Variants in SPEN observed in about 807,000 individuals in gnomAD.
SPEN encodes the protein msx2-interacting protein.
In SPEN, 18 loss-of-function variants were observed where a neutral mutation model predicts 269.9. That is an observed-to-expected ratio of 0.07 (90% CI 0.05 to 0.10). The LOEUF is 0.10. Among genes scored for constraint, SPEN ranks in the 10% least tolerant of loss-of-function variants. The pLI is 1.00. For synonymous variants in SPEN, 1,726 were observed against 1,765.7 expected, an observed-to-expected ratio of 0.98 and a Z score of 0.56; for missense variants, 3,822 against 4,631.2, an observed-to-expected ratio of 0.83 and a Z score of 5.07.
In SPEN at chr1:15,933,120, G is replaced by A. The variant is rs114705566; in HGVS notation, c.6880G>A (p.Gly2294Ser). Residue 2294 changes from glycine (G) to serine (S), a missense_variant, in exon 11 of 15, where the codon GGC (glycine) becomes AGC (serine). Physicochemically the swap from Gly to Ser is moderately conservative, Grantham distance 56. Transcript: ENST00000375759. The surrounding 1 kb of genome is among the most constrained non-coding windows in gnomAD (Gnocchi z 5.7). ...AGTCAATGCTCCTGACCCCTCAGCCGGCCCAACAGATACCAAGGAAGCCAG... is the reference window on the plus strand; with the variant it reads ...AGTCAATGCTCCTGACCCCTCAGCCAGCCCAACAGATACCAAGGAAGCCAG... ...PPVNAPDPSA[G>S]PTDTKEARGN... The A allele has an allele frequency of 3.1e-5, 50 of 1,614,018 alleles. No individual in the cohort carries two copies. The highest frequency in any genetic ancestry group is 1.1e-4 in the East Asian group (5 of 44,900).
chr1:15,860,625 A>G (rs2070438844), intron 1 of SPEN, among the ~76,000 whole-genome samples: 1 of 149,372 alleles, frequency 6.7e-6, no homozygotes, highest in Non-Finnish European at 1.5e-5. Context: ...TTTTTTTGAG[A>G]TGGAGTCTTG....
chr1:15,933,645 A>C lies in SPEN; in HGVS notation c.7405A>C (p.Ile2469Leu). The C allele has an allele frequency of 6.2e-7, 1 of 1,614,056 alleles. No individual in the cohort carries two copies. The highest frequency in any genetic ancestry group is 8.5e-7 in the Non-Finnish European group (1 of 1,179,982). ...CCCACCCAGCGATCCAAGCATCCCC[A>C]TACCCACACTGCCTTCTGTAACTGC... ...VTPPSDPSIP[I>L]PTLPSVTAAK... The change falls in exon 11 of 15, where the codon ATA becomes CTA. Residue 2469 changes from isoleucine (I) to leucine (L), a missense_variant. Ile to Leu is a conservative substitution (Grantham distance 5). Transcript: ENST00000375759. The surrounding 1 kb of genome is among the most constrained non-coding windows in gnomAD (Gnocchi z 5.7).
chr1:15,932,414 C>G lies in SPEN; in HGVS notation c.6174C>G (p.Ala2058=), dbSNP rs942663481. Residue 2058 remains alanine, a synonymous_variant, in exon 11 of 15, where the codon GCC becomes GCG. Coordinates refer to ENST00000375759, the MANE Select transcript of SPEN (RefSeq NM_015001.3). The surrounding 1 kb of genome is among the most constrained non-coding windows in gnomAD (Gnocchi z 4.2). ...AGTDKNPPET[A]PVEVVEKKPA... ...CAGACAAAAACCCCCCTGAAACCGCCCCTGTTGAAGTTGTAGAGAAAAAAC... is the reference window on the plus strand; with the variant it reads ...CAGACAAAAACCCCCCTGAAACCGCGCCTGTTGAAGTTGTAGAGAAAAAAC... The G allele has an allele frequency of 6.2e-7, 1 of 1,614,030 alleles. No homozygotes were observed. Among genetic ancestry groups the G allele is most frequent in the Non-Finnish European group, 8.5e-7 (1 of 1,180,008 alleles).
chr1:15,906,514 A>G (rs1465032436), intron 3 of SPEN, among the ~76,000 whole-genome samples: 2 of 124,096 alleles, frequency 1.6e-5, no homozygotes, highest in Non-Finnish European at 3.1e-5. Context: ...GCTGGAGTGC[A>G]GTGGTGTGAT....
At chr1:15,903,933 C>T (rs1220685724) in intron 3 of SPEN, among the ~76,000 whole-genome samples, 2 of 152,146 alleles carry the variant, frequency 1.3e-5, no homozygotes, top group East Asian at 3.8e-4. Context: ...TTCTGATGAA[C>T]TATTTTTGGC....
chr1:15,931,730 A>G lies in SPEN; in HGVS notation c.5490A>G (p.Ala1830=), dbSNP rs1363721146. ...KSKRSKTPVQ[A]AAVSIVEKPV... ...AGCGTTCAAAGACCCCTGTTCAGGC[A>G]GCTGCAGTGAGTATCGTGGAGAAGC... is the stretch of plus-strand genomic sequence containing the variant. The change falls in exon 11 of 15, where the codon GCA becomes GCG. Residue 1830 remains alanine, a synonymous_variant. Coordinates refer to ENST00000375759, the MANE Select transcript of SPEN (RefSeq NM_015001.3). The surrounding 1 kb of genome is among the most constrained non-coding windows in gnomAD (Gnocchi z 4.8). 6.2e-7 allele frequency: 1 copy of G among 1,614,192 alleles called. No homozygotes were observed. Among genetic ancestry groups the G allele is most frequent in the South Asian group, 1.1e-5 (1 of 91,086 alleles).
chr1:15,892,826 C>T (rs548100624), intron 3 of SPEN, among the ~76,000 whole-genome samples: 23 of 152,188 alleles, frequency 1.5e-4, no homozygotes, highest in East Asian at 1.9e-4. Context: ...GGGCGGGGCA[C>T]GGTGGCTCAC....
chr1:15,855,990 C>CCTTTTTTTTTT lies in SPEN; in HGVS notation c.83+7840_83+7841insCTTTTTTTTTT, dbSNP rs370972899. Among the ~76,000 whole-genome samples the CCTTTTTTTTTT allele has an allele frequency of 1.4e-4, 4 of 28,220 alleles. 2 individuals are homozygous for CCTTTTTTTTTT. The highest frequency in any genetic ancestry group is 1.6e-4 in the Non-Finnish European group (2 of 12,684). The allele number at this position is 28,220 out of a possible 152,430, so 18.5% of individuals were successfully genotyped here. ...TTATTGTGTGAAAAGGATGCTAGAA[C>CCTTTTTTTTTT]TTTTTTTTTTTTTTTTTTTTGAGAC... On this transcript the variant is annotated intron_variant, in intron 1 of 14. Transcript: ENST00000375759.
At position 15,894,533 on chromosome 1, in the gene SPEN, G is replaced by GTTTTTT. The variant is rs35841965; in HGVS notation, c.882-14786_882-14785insTTTTTT. On this transcript the variant is annotated intron_variant, in intron 3 of 14. Transcript: ENST00000375759. ...TAGATCCTAAAACTACCATATTATG[G>GTTTTTT]TTGTTTTTTTTTTTTTTTTTTTTTT... is the stretch of plus-strand genomic sequence containing the variant. Among the ~76,000 whole-genome samples, 179 of 135,982 alleles carry GTTTTTT rather than the reference G, an allele frequency of 1.3e-3. 10 individuals carry two copies. Among genetic ancestry groups the GTTTTTT allele is most frequent in the African/African-American group, 5.1e-3 (171 of 33,658 alleles). The allele number at this position is 135,982 out of a possible 152,430, so 89.2% of individuals were successfully genotyped here.
chr1:15,926,167 G>A (rs1362411142), intron 10 of SPEN, among the ~76,000 whole-genome samples: 2 of 152,170 alleles, frequency 1.3e-5, no homozygotes, highest in Admixed American at 6.5e-5. Flanking sequence ...AGACTGAGGC[G>A]GGCAGATCAC....
chr1:15,885,917 T>C (rs1012591584), intron 3 of SPEN, among the ~76,000 whole-genome samples: 11 of 152,196 alleles, frequency 7.2e-5, no homozygotes, highest in South Asian at 4.1e-4. Flanking sequence ...CGTTTGTTAT[T>C]GTGCAATAAG....
intron 2 of SPEN, chr1:15,873,953 G>A (rs889650323): frequency 3.4e-6 from 4 of 1,180,510 alleles, no homozygotes; most frequent in African/African-American, 1.6e-5. Context: ...TTGAACACAT[G>A]GTGATGATCA....
chr1:15,924,162 C>T (rs1347629904), intron 10 of SPEN, among the ~76,000 whole-genome samples: 1 of 152,014 alleles, frequency 6.6e-6, no homozygotes, highest in Non-Finnish European at 1.5e-5. Context: ...TGAAAGTGAG[C>T]GTAAAATTAT....
At chr1:15,927,680 T>TA (rs749839276) in intron 10 of SPEN, among the ~76,000 whole-genome samples, 4 of 152,086 alleles carry the variant, frequency 2.6e-5, no homozygotes, top group Admixed American at 6.6e-5. Flanking sequence ...CCAGAAACAT[T>TA]AAAAAAGGGT....
chr1:15,919,138 T>G (rs2071092661), intron 7 of SPEN, 87 bp downstream of exon 7: 1 of 1,144,688 alleles, frequency 8.7e-7, no homozygotes, highest in African/African-American at 1.6e-5. Flanking sequence ...ATATGCCTTA[T>G]TATTTAAGAT....
chr1:15,914,998 G>T (rs527699159), intron 5 of SPEN, among the ~76,000 whole-genome samples: 1 of 152,222 alleles, frequency 6.6e-6, no homozygotes, highest in East Asian at 1.9e-4. Flanking sequence ...TATGAGAGGG[G>T]CGAAATGCTA....
At chr1:15,861,946 G>A (rs555664865) in intron 1 of SPEN, among the ~76,000 whole-genome samples, 23 of 152,304 alleles carry the variant, frequency 1.5e-4, no homozygotes, top group African/African-American at 5.5e-4. Flanking sequence ...GGAGGCTGAG[G>A]CAGGAGAATC....
intron 3 of SPEN, among the ~76,000 whole-genome samples, chr1:15,900,775 G>T (rs1001570164): frequency 6.6e-6 from 1 of 152,084 alleles, no homozygotes; most frequent in Admixed American, 6.6e-5. Flanking sequence ...ACAGGCCAGG[G>T]TTTCTCAGTC....
At position 15,935,778 on chromosome 1, in the gene SPEN, A is replaced by G. The variant is rs767174458; in HGVS notation, c.9538A>G (p.Met3180Val). Residue 3180 changes from methionine (M) to valine (V), a missense_variant, in exon 11 of 15, where the codon ATG (methionine) becomes GTG (valine). Physicochemically the swap from Met to Val is conservative, Grantham distance 21. Around this residue, in one of 16 missense-constraint regions of SPEN, gnomAD observed 153 missense variants for 228.5 expected, o/e 0.67. Coordinates refer to ENST00000375759, the MANE Select transcript of SPEN (RefSeq NM_015001.3). The surrounding 1 kb of genome is among the most constrained non-coding windows in gnomAD (Gnocchi z 7.7). ...CCCTGTGCAGTCAGAGGTACTAGTC[A>G]TGCAGTCTGAGTACCGACTGCACCC... ...TAPVQSEVLV[M>V]QSEYRLHPYT... 1 of 1,613,834 alleles carries G rather than the reference A, an allele frequency of 6.2e-7. No individual in the cohort carries two copies. The highest frequency in any genetic ancestry group is 1.1e-5 in the South Asian group (1 of 91,086).
Sources: gnomAD v4.1 joint callset for allele counts (sites outside exome capture counted in the v4.1 genomes callset) on GRCh38, gnomAD v4.1.1 for gene constraint, gnomAD v4.1.1 regional missense constraint, Gnocchi (gnomAD v3.1) non-coding constraint, MANE v1.5 for transcripts, NCBI Gene and HGNC (gene_info 2026-07-23, HGNC 2026-07-21) for gene names.